The following UNC13B variants were observed in gnomAD, a reference collection of about 807,000 sequenced individuals.
UNC13B encodes the protein protein unc-13 homolog B.
In UNC13B, 144 loss-of-function variants were observed where a neutral mutation model predicts 211.0. That is an observed-to-expected ratio of 0.68 (90% CI 0.60 to 0.78). UNC13B has a LOEUF of 0.78. UNC13B is among the 30% of genes least tolerant of loss of function. The probability of loss-of-function intolerance (pLI) is 0.00; values close to 1 mark genes in which losing one functional copy is unlikely to be tolerated. For missense variants in UNC13B, 1,777 were observed against 2,002.0 expected (o/e 0.89, Z 2.14); for synonymous variants, 709 against 725.8 (o/e 0.98, Z 0.37).
chr9:35,401,306 G>A lies in UNC13B; in HGVS notation c.12484+863G>A, dbSNP rs553650948. ...GCTCTAAGCAGGTAGACTGGTGATG[G>A]AAAGTAAGAAAATGGAAGGGACCGA... On this transcript the variant is annotated intron_variant, in intron 37 of 39. Coordinates refer to ENST00000635942, the MANE Select transcript of UNC13B (RefSeq NM_001371189.2). Among the ~76,000 whole-genome samples, 4 of 152,294 alleles carry A rather than the reference G, an allele frequency of 2.6e-5. No homozygotes were observed. In the East Asian group the frequency reaches 7.7e-4, roughly 29 times the overall value.
At chr9:35,295,588 G>C in intron 7 of UNC13B, 108 bp from the exon 8 acceptor site, 1 of 1,013,098 alleles carries the variant, frequency 9.9e-7, no homozygotes, top group Non-Finnish European at 1.5e-6. Context: ...AGCTCAGCTT[G>C]CTTTTGTTCT....
At chr9:35,270,710 C>T (rs986069863) in intron 7 of UNC13B, among the ~76,000 whole-genome samples, 1 of 152,056 alleles carries the variant, frequency 6.6e-6, no homozygotes, top group Non-Finnish European at 1.5e-5. Flanking sequence ...CCCAGTTTTC[C>T]CCCAAACTTT....
At chr9:35,316,803 T>A (rs1333366392) in intron 11 of UNC13B, among the ~76,000 whole-genome samples, 1 of 152,156 alleles carries the variant, frequency 6.6e-6, no homozygotes, top group Non-Finnish European at 1.5e-5. Context: ...TATCATTATC[T>A]TTTTCGGCTG....
chr9:35,386,376 C>A (rs1283337272), intron 24 of UNC13B, 83 bp downstream of exon 24: 3 of 1,566,738 alleles, frequency 1.9e-6, no homozygotes, highest in Non-Finnish European at 2.6e-6. Context: ...GGTGGAAAAG[C>A]ACTCAGGACA....
intron 1 of UNC13B, among the ~76,000 whole-genome samples, chr9:35,207,262 T>C (rs927659918): frequency 6.6e-6 from 1 of 152,018 alleles, no homozygotes; most frequent in Admixed American, 6.6e-5. Flanking sequence ...CATTTATTTA[T>C]TTTTATTTAT....
chr9:35,198,250 G>C (rs572627280), intron 1 of UNC13B, among the ~76,000 whole-genome samples: 1 of 152,198 alleles, frequency 6.6e-6, no homozygotes, highest in Non-Finnish European at 1.5e-5. Flanking sequence ...AGCACCATCT[G>C]CTTGGTGCTT....
chr9:35,394,822 A>C (rs1490000051), intron 26 of UNC13B, among the ~76,000 whole-genome samples: 1 of 152,208 alleles, frequency 6.6e-6, no homozygotes, highest in East Asian at 1.9e-4. Flanking sequence ...TTGTTAGAAT[A>C]GTTTAAAGTG....
chr9:35,231,290 C>A, intron 3 of UNC13B, 71 bp downstream of exon 3: 1 of 977,586 alleles, frequency 1.0e-6, no homozygotes, highest in Non-Finnish European at 1.6e-6. Flanking sequence ...TTGGATGAAA[C>A]AATTAGAAGA....
intron 7 of UNC13B, among the ~76,000 whole-genome samples, chr9:35,294,661 C>T (rs1307323780): frequency 6.6e-6 from 1 of 152,130 alleles, no homozygotes; most frequent in South Asian, 2.1e-4. Flanking sequence ...AAAAGTATCT[C>T]CATTTTGGGA....
chr9:35,217,610 C>T (rs1484118509), intron 1 of UNC13B, among the ~76,000 whole-genome samples: 1 of 151,892 alleles, frequency 6.6e-6, no homozygotes, highest in Non-Finnish European at 1.5e-5. Context: ...AGGATGGTCT[C>T]GATCTCCTGA....
intron 11 of UNC13B, among the ~76,000 whole-genome samples, chr9:35,335,304 T>G (rs1831591502): frequency 6.6e-6 from 1 of 152,206 alleles, no homozygotes; most frequent in African/African-American, 2.4e-5. Flanking sequence ...CTTCCTGTGT[T>G]TGCAAGCATA....
intron 1 of UNC13B, among the ~76,000 whole-genome samples, chr9:35,214,750 T>TTATC (rs1824165623): frequency 6.6e-6 from 1 of 152,162 alleles, no homozygotes; most frequent in Non-Finnish European, 1.5e-5. Context: ...AAAAGACAGA[T>TTATC]TATCTACAAA....
chr9:35,376,129 C>T lies in UNC13B; in HGVS notation c.9717C>T (p.Tyr3239=), dbSNP rs746159221. ...TCTGGACGGCCACTACCCCAACCTA[C>T]TGCTATGAGTGTGAAGGCCTGCTCT... ...FEVWTATTPT[Y]CYECEGLLWG... The change falls in exon 15 of 40, where the codon TAC becomes TAT. Residue 3239 remains tyrosine (Y), a synonymous_variant. Coordinates refer to ENST00000635942, the MANE Select transcript of UNC13B (RefSeq NM_001371189.2). The T allele has an allele frequency of 1.2e-6, 2 of 1,614,266 alleles. No homozygotes were observed. The highest frequency in any genetic ancestry group is 1.1e-5 in the South Asian group (1 of 91,090).
At chr9:35,228,703 AGTGTGTGTGTGTGTGTGTGTGT>A (rs56971215) in intron 2 of UNC13B, among the ~76,000 whole-genome samples, 20 of 140,600 alleles carry the variant, frequency 1.4e-4, no homozygotes, top group Admixed American at 7.8e-4. Context: ...ACATCATGAA[AGTGTGTGTGTGTGTGTGTGTGT>A]GTGTGTGTGT....
At chr9:35,236,914 C>G (rs1004975113) in intron 4 of UNC13B, among the ~76,000 whole-genome samples, 1 of 152,122 alleles carries the variant, frequency 6.6e-6, no homozygotes, top group Non-Finnish European at 1.5e-5. Flanking sequence ...TCTTCTAAGT[C>G]ACTGCCCTGG....
At position 35,400,291 on chromosome 9, in the gene UNC13B, T is replaced by A. The variant is rs1836209609; in HGVS notation, c.12337-5T>A. ...AGCAGTCACGGGTGCTCTTTTATCT[T>A]GCAGCAATACTTCCATGCAGGAGGC... On this transcript the variant is annotated splice_region_variant and splice_polypyrimidine_tract_variant and intron_variant, in intron 36 of 39. Coordinates refer to ENST00000635942, the MANE Select transcript of UNC13B (RefSeq NM_001371189.2). 6.2e-7 allele frequency: 1 copy of A among 1,613,398 alleles called. No homozygotes were observed. Among genetic ancestry groups the A allele is most frequent in the South Asian group, 1.1e-5 (1 of 90,998 alleles).
chr9:35,344,628 T>A (rs1399377768), intron 11 of UNC13B, among the ~76,000 whole-genome samples: 2 of 152,146 alleles, frequency 1.3e-5, no homozygotes, highest in Non-Finnish European at 2.9e-5. Context: ...GCCTCCCATC[T>A]AGTAGTCTGC....
chr9:35,328,908 C>T (rs942046543), intron 11 of UNC13B, among the ~76,000 whole-genome samples: 2 of 151,822 alleles, frequency 1.3e-5, no homozygotes, highest in South Asian at 2.1e-4. Context: ...GCTGGGACTA[C>T]AGGCGCCTGC....
At chr9:35,295,279 T>C (rs1046607319) in intron 7 of UNC13B, among the ~76,000 whole-genome samples, 4 of 152,190 alleles carry the variant, frequency 2.6e-5, no homozygotes, top group African/African-American at 7.2e-5. Context: ...GGGGTTTTTT[T>C]CCCCAAGATA....
Sources: gnomAD v4.1 joint callset for allele counts (sites outside exome capture counted in the v4.1 genomes callset) on GRCh38, gnomAD v4.1.1 for gene constraint, MANE v1.5 for transcripts, NCBI Gene and HGNC (gene_info 2026-07-23, HGNC 2026-07-21) for gene names.